The following THBS2 variants were observed in gnomAD, a reference collection of about 807,000 sequenced individuals.
THBS2 encodes thrombospondin 2.
Under a neutral mutation model 135.2 loss-of-function variants are expected in THBS2, and 47 were observed. The observed-to-expected ratio is 0.35, with a 90% CI of 0.28 to 0.44. THBS2 has a LOEUF of 0.44. Ranked by LOEUF, THBS2 falls within the 20% of genes least tolerant of loss-of-function variation. THBS2 has a pLI of 1.00. For missense variants in THBS2, 1,288 were observed against 1,603.1 expected (o/e 0.80, Z 3.36); for synonymous variants, 639 against 633.8 (o/e 1.01, Z -0.12).
chr6:169,236,513 A>C, intron 9 of THBS2, among the ~76,000 whole-genome samples: 4 of 84,138 alleles, frequency 4.8e-5, no homozygotes, highest in East Asian at 9.5e-4. Flanking sequence ...TCCCATCTAC[A>C]CTCACTCCCC....
intron 21 of THBS2, 50 bp from the exon 22 acceptor site, chr6:169,217,879 G>A (rs1209649300): frequency 7.7e-6 from 12 of 1,561,644 alleles, no homozygotes; most frequent in Non-Finnish European, 1.0e-5. Context: ...ACTGGGCCAT[G>A]GGTAGTGATT....
At position 169,217,388 on chromosome 6, in the gene THBS2, TAAGCACCAA is replaced by T. The variant is rs1376395997; in HGVS notation, c.*425_*433del. The T allele has an allele frequency of 6.1e-6, 1 of 164,232 alleles. No homozygotes were observed. The highest frequency in any genetic ancestry group is 1.3e-5 in the Non-Finnish European group (1 of 76,154). 10.2% of individuals were successfully genotyped at this position (164,232 alleles called of 1,614,324 possible). A position where few individuals can be genotyped will look rare whatever the true frequency, so the allele number is the denominator to read the frequency against. Reference sequence around the variant, plus strand: ...TCTAATTCAAGAATAGTGACAACTTTAAGCACCAAAAGTAGTTCAGCAATATTTTTCATG... The same window carrying T: ...TCTAATTCAAGAATAGTGACAACTTTAAGTAGTTCAGCAATATTTTTCATG... On this transcript the variant is annotated 3_prime_UTR_variant, in exon 22 of 22. Coordinates refer to ENST00000617924, the MANE Select transcript of THBS2 (RefSeq NM_003247.5).
At chr6:169,253,289 T>C (rs1247731314) in intron 1 of THBS2, among the ~76,000 whole-genome samples, 1 of 152,130 alleles carries the variant, frequency 6.6e-6, no homozygotes, top group African/African-American at 2.4e-5. Context: ...ACAATCAGAG[T>C]CTCTCTCTAA....
rs924225682 is a variant in THBS2, at chr6:169,241,297, G to A, written c.891+465C>T. On this transcript the variant is annotated intron_variant, in intron 5 of 21. Coordinates refer to ENST00000617924, the MANE Select transcript of THBS2 (RefSeq NM_003247.5). This position sits in a 1 kb window ranked among gnomAD's most constrained non-coding sequence, Gnocchi z 5.5. ...TCTCTCTTCCTGGCCGCGCTGTGCC[G>A]CTCAAACCCATTTCACTCCTGCCAG... is the stretch of plus-strand genomic sequence containing the variant. 3.2e-4 allele frequency among the ~76,000 whole-genome samples: 49 copies of A among 152,170 alleles called. No homozygotes were observed. The highest frequency in any genetic ancestry group is 7.7e-4 in the East Asian group (4 of 5,178).
chr6:169,219,360 G>A (rs369839895), intron 21 of THBS2, among the ~76,000 whole-genome samples: 5 of 104,928 alleles, frequency 4.8e-5, no homozygotes, highest in African/African-American at 1.2e-4. Context: ...GGATGGTTGG[G>A]TGAATGGATG....
chr6:169,226,383 C>A, intron 15 of THBS2, 85 bp from the exon 16 acceptor site: 1 of 1,009,162 alleles, frequency 9.9e-7, no homozygotes, highest in Non-Finnish European at 1.5e-6. Context: ...TTTCCTATCA[C>A]ACGAAATTGC....
At chr6:169,233,449 C>T (rs1283682734) in intron 10 of THBS2, among the ~76,000 whole-genome samples, 1 of 151,608 alleles carries the variant, frequency 6.6e-6, no homozygotes, top group Non-Finnish European at 1.5e-5. Flanking sequence ...CCAGACCATA[C>T]AACTACCACG....
rs1132782 is a variant in THBS2, at chr6:169,216,328, C to T, written c.*1494G>A. Reference sequence around the variant, plus strand: ...GATTTGCCCCCTATCCATCATCAGACAGACAGACTTCTCTTACTAAACCCC... The same window carrying T: ...GATTTGCCCCCTATCCATCATCAGATAGACAGACTTCTCTTACTAAACCCC... On this transcript the variant is annotated 3_prime_UTR_variant, in exon 22 of 22. Coordinates refer to ENST00000617924, the MANE Select transcript of THBS2 (RefSeq NM_003247.5). 0.22 allele frequency: 32,851 copies of T among 152,068 alleles called. 3,787 individuals are homozygous for T. Among genetic ancestry groups the T allele is most frequent in the Non-Finnish European group, 0.25 (16,729 of 67,978 alleles). The allele number at this position is 152,068 out of a possible 1,614,324, so 9.4% of individuals were successfully genotyped here.
intron 14 of THBS2, 85 bp from the exon 15 acceptor site, chr6:169,228,366 A>C: frequency 6.8e-7 from 1 of 1,477,576 alleles, no homozygotes; most frequent in Non-Finnish European, 9.2e-7. Context: ...TATGTACTCA[A>C]GGTTGATGAA....
chr6:169,232,307 AC>A (rs2114995179), intron 12 of THBS2, 109 bp from the exon 13 acceptor site: 8 of 1,256,102 alleles, frequency 6.4e-6, no homozygotes, highest in Non-Finnish European at 9.0e-6. Flanking sequence ...TCCCAAGCGG[AC>A]CCAAGTCCTG....
chr6:169,241,824 C>G lies in THBS2; in HGVS notation c.829G>C (p.Val277Leu), dbSNP rs551604036. ...ACGTGGAGCCCCGAGAGCTCCTGGA[C>G]CATGTTTCCCAGCTCCTCGCACGAG... ...ERSCEELGNM[V>L]QELSGLHVLV... Residue 277 changes from valine to leucine, a missense_variant, in exon 5 of 22, where the codon GTC (valine) becomes CTC (leucine). This residue lies in a region of THBS2 where 414 missense variants were observed against 447.0 expected (regional missense o/e 0.93). Transcript: ENST00000617924. The surrounding 1 kb of genome is among the most constrained non-coding windows in gnomAD (Gnocchi z 5.5). 6.2e-7 allele frequency: 1 copy of G among 1,612,830 alleles called. No homozygotes were observed. The highest frequency in any genetic ancestry group is 2.2e-5 in the East Asian group (1 of 44,868).
intron 12 of THBS2, 107 bp from the exon 13 acceptor site, chr6:169,232,305 G>A (rs1215163137): frequency 5.5e-6 from 7 of 1,277,300 alleles, no homozygotes; most frequent in East Asian, 4.7e-5. Context: ...GGTCCCAAGC[G>A]GACCCAAGTC....
chr6:169,248,460 C>G lies in THBS2; in HGVS notation c.566G>C (p.Arg189Pro). The G allele has an allele frequency of 6.2e-7, 1 of 1,612,462 alleles. No homozygotes were observed. The highest frequency in any genetic ancestry group is 8.5e-7 in the Non-Finnish European group (1 of 1,178,726). The change falls in exon 3 of 22, where the codon CGG (arginine) becomes CCG (proline). Residue 189 changes from arginine (R) to proline (P), a missense_variant. This residue lies in a region of THBS2 where 414 missense variants were observed against 447.0 expected (regional missense o/e 0.93). Coordinates refer to ENST00000617924, the MANE Select transcript of THBS2 (RefSeq NM_003247.5). The stretch of plus-strand genomic sequence containing the variant: ...GGCAGAGCCTTTGGCCACGTACATC[C>G]GGCTCTTTTCCGCCTGCAGGTGCTC... ...FYEHLQAEKS[R>P]MYVAKGSARE...
rs1246677937 is a variant in THBS2, at chr6:169,252,185, G to A, written c.-22-1379C>T. On this transcript the variant is annotated intron_variant, in intron 1 of 21. Transcript: ENST00000617924. This position sits in a 1 kb window ranked among gnomAD's most constrained non-coding sequence, Gnocchi z 4.3. The stretch of plus-strand genomic sequence containing the variant: ...GTCTGGGGCGCTTTCTACTCTAACT[G>A]CCCGAGGCAGCTGCAGTAATAATGG... 1.3e-5 allele frequency: 2 copies of A among 152,176 alleles called. No homozygotes were observed. Among genetic ancestry groups the A allele is most frequent in the Non-Finnish European group, 1.5e-5 (1 of 68,048 alleles). 9.4% of individuals were successfully genotyped at this position (152,176 alleles called of 1,614,324 possible).
Position 169,225,351 on chromosome 6 carries a change from T to G in THBS2, c.2567A>C (p.Asp856Ala), listed in dbSNP as rs1280481974. The G allele has an allele frequency of 6.4e-7, 1 of 1,559,324 alleles. No individual in the cohort carries two copies. The highest frequency in any genetic ancestry group is 1.9e-5 in the Admixed American group (1 of 51,454). The change falls in exon 17 of 22, where the codon GAC becomes GCC. Residue 856 changes from aspartate (D) to alanine (A), a missense_variant. By Grantham distance (126) the Asp-to-Ala change is moderately radical. This residue lies in a region of THBS2 where 874 missense variants were observed against 1,156.1 expected (regional missense o/e 0.76). Transcript: ENST00000617924. ...QTDVDNDLVGDQCDNNEDIDD... is the reference protein window; with the variant it reads ...QTDVDNDLVGAQCDNNEDIDD... ...TATGTCCTCGTTGTTGTCACACTGG[T>G]CCCCAACAAGGTCATTGTCCACGTC...
At chr6:169,236,147 TCCCCA>T (rs1780048228) in intron 9 of THBS2, among the ~76,000 whole-genome samples, 1 of 24,892 alleles carries the variant, frequency 4.0e-5, no homozygotes, top group Non-Finnish European at 8.2e-5. Flanking sequence ...CCACACTCAC[TCCCCA>T]TCCACACTCA....
In THBS2 at chr6:169,241,483, G is replaced by A. The variant is rs1393770993; in HGVS notation, c.891+279C>T. 6.6e-6 allele frequency among the ~76,000 whole-genome samples: 1 copy of A among 152,026 alleles called. No homozygotes were observed. The highest frequency in any genetic ancestry group is 1.5e-5 in the Non-Finnish European group (1 of 68,012). ...CACTCATACCTACAGATTTACCAAG[G>A]AGGTAAATTTCCCAAAATTAAGAAT... On this transcript the variant is annotated intron_variant, in intron 5 of 21. Coordinates refer to ENST00000617924, the MANE Select transcript of THBS2 (RefSeq NM_003247.5). The surrounding 1 kb of genome is among the most constrained non-coding windows in gnomAD (Gnocchi z 5.5).
chr6:169,217,946 T>G, intron 21 of THBS2, 117 bp from the exon 22 acceptor site: 3 of 995,014 alleles, frequency 3.0e-6, no homozygotes, highest in Non-Finnish European at 4.4e-6. Flanking sequence ...ATGAGATCTA[T>G]CATATGGATG....
intron 17 of THBS2, among the ~76,000 whole-genome samples, chr6:169,223,960 G>C (rs1399120102): frequency 6.6e-6 from 1 of 152,194 alleles, no homozygotes; most frequent in Admixed American, 6.5e-5. Context: ...TGTTTAGTGG[G>C]TCCTTGTCAA....
Sources: gnomAD v4.1 joint callset for allele counts (sites outside exome capture counted in the v4.1 genomes callset) on GRCh38, gnomAD v4.1.1 for gene constraint, gnomAD v4.1.1 regional missense constraint, Gnocchi (gnomAD v3.1) non-coding constraint, MANE v1.5 for transcripts, NCBI Gene and HGNC (gene_info 2026-07-23, HGNC 2026-07-21) for gene names.